Variants in ARIH2 observed in about 807,000 individuals in gnomAD.
ARIH2 encodes the protein E3 ubiquitin-protein ligase ARIH2.
ARIH2 carries 12 observed loss-of-function variants against 79.8 expected under a neutral mutation model. That is an observed-to-expected ratio of 0.15 (90% CI 0.10 to 0.24). ARIH2 has a LOEUF of 0.24. Among genes scored for constraint, ARIH2 ranks in the 10% least tolerant of loss-of-function variants. The pLI, the probability that ARIH2 is intolerant of heterozygous loss-of-function variation, is 1.00. For synonymous variants in ARIH2, 224 were observed against 213.9 expected (o/e 1.05, Z -0.41); for missense variants, 301 against 618.3 (o/e 0.49, Z 5.44).
chr3:48,961,633 CTTATA>C lies in ARIH2; in HGVS notation c.281_285del (p.Ile94SerfsTer2). 1 of 1,608,092 alleles carries C rather than the reference CTTATA, an allele frequency of 6.2e-7. No homozygotes were observed. Among genetic ancestry groups the C allele is most frequent in the Non-Finnish European group, 8.5e-7 (1 of 1,174,830 alleles). On this transcript the variant is annotated frameshift_variant, in exon 4 of 16. Transcript: ENST00000356401. LOFTEE classifies it high-confidence loss of function. ...CTAGGTATCTCATTCAGTTGCTAAA[CTTATA>C]TTAGTTAATTTCCACTGGCAAGTTT... is the stretch of plus-strand genomic sequence containing the variant.
At chr3:48,975,863 G>A (rs552376670) in intron 11 of ARIH2, among the ~76,000 whole-genome samples, 3 of 150,124 alleles carry the variant, frequency 2.0e-5, no homozygotes, top group African/African-American at 4.9e-5. Context: ...GTGCCCGACC[G>A]AGAATTTTGC....
rs747564744 is a variant in ARIH2, at chr3:48,918,967, C to T, written c.-193C>T. On this transcript the variant is annotated 5_prime_UTR_variant, in exon 1 of 16. Coordinates refer to ENST00000356401, the MANE Select transcript of ARIH2 (RefSeq NM_006321.4). ...CCGGCCTGACCCGGTCTGGCTTGTTCGGGCTCAGCGGCCGCGAGGCCGCAG... is the reference window on the plus strand; with the variant it reads ...CCGGCCTGACCCGGTCTGGCTTGTTTGGGCTCAGCGGCCGCGAGGCCGCAG... 4.0e-5 allele frequency: 60 copies of T among 1,483,890 alleles called. No homozygotes were observed. The East Asian group carries it at 5.0e-4, about 12-fold the overall frequency. The allele number at this position is 1,483,890 out of a possible 1,614,324, so 91.9% of individuals were successfully genotyped here.
intron 8 of ARIH2, among the ~76,000 whole-genome samples, chr3:48,972,755 C>T (rs1193657235): frequency 6.6e-6 from 1 of 152,096 alleles, no homozygotes; most frequent in Non-Finnish European, 1.5e-5. Context: ...TCTCAGTTGT[C>T]CACGTTGCAG....
intron 3 of ARIH2, among the ~76,000 whole-genome samples, chr3:48,940,811 ATAT>A (rs2088053409): frequency 2.0e-5 from 2 of 97,896 alleles, no homozygotes; most frequent in African/African-American, 6.6e-5. Context: ...AAAAAAAAAT[ATAT>A]ATATATATAT....
intron 2 of ARIH2, 24 bp from the exon 3 acceptor site, chr3:48,927,438 C>CT: frequency 8.0e-7 from 1 of 1,256,942 alleles, no homozygotes; most frequent in Admixed American, 2.5e-5. Flanking sequence ...AAAAGTAACA[C>CT]TTATTTTTTT....
At chr3:48,963,014 A>G (rs572901283) in intron 4 of ARIH2, among the ~76,000 whole-genome samples, 4 of 152,270 alleles carry the variant, frequency 2.6e-5, no homozygotes, top group African/African-American at 9.6e-5. Context: ...GATTACCAGC[A>G]CTTGCCACCA....
At chr3:48,981,016 CAAAAAAAAAAAAAAA>C (rs34533467) in intron 13 of ARIH2, among the ~76,000 whole-genome samples, 16 of 30,140 alleles carry the variant, frequency 5.3e-4, no homozygotes, top group African/African-American at 2.0e-3. Flanking sequence ...GCAAGACTGT[CAAAAAAAAAAAAAAA>C]AAAAAAAAAA....
chr3:48,959,992 C>T (rs9811724), intron 3 of ARIH2, among the ~76,000 whole-genome samples: 3,566 of 152,344 alleles, frequency 0.023, 159 homozygotes, highest in African/African-American at 0.08. Flanking sequence ...CAGGCACATA[C>T]TACCTTACAG....
Position 48,980,370 on chromosome 3 carries a change from A to G in ARIH2, c.1131A>G (p.Lys377=). Residue 377 remains lysine (K), a synonymous_variant, in exon 13 of 16, where the codon AAA becomes AAG. Coordinates refer to ENST00000356401, the MANE Select transcript of ARIH2 (RefSeq NM_006321.4). ...CCCTGTAGTGGGAAAACCACAATAA[A>G]AGCTTGCAGCTAGAGGCACAGACAT... is the stretch of plus-strand genomic sequence containing the variant. The part of the protein sequence containing the change: ...FYFERWENHN[K]SLQLEAQTYQ... The G allele has an allele frequency of 1.9e-6, 3 of 1,613,674 alleles. No individual in the cohort carries two copies. The highest frequency in any genetic ancestry group is 2.5e-6 in the Non-Finnish European group (3 of 1,179,948).
intron 6 of ARIH2, chr3:48,968,301 G>A (rs972056717): frequency 1.4e-4 from 43 of 312,910 alleles, no homozygotes; most frequent in South Asian, 7.3e-4. Context: ...TCCGCCTCCC[G>A]GGTTCACGCC....
At chr3:48,943,834 T>A (rs1415941220) in intron 3 of ARIH2, among the ~76,000 whole-genome samples, 5 of 152,152 alleles carry the variant, frequency 3.3e-5, no homozygotes, top group Admixed American at 3.3e-4. Context: ...TGGATGGTAC[T>A]ACCTAGCTGG....
At chr3:48,941,171 C>CA (rs11353326) in intron 3 of ARIH2, among the ~76,000 whole-genome samples, 1,741 of 132,000 alleles carry the variant, frequency 0.013, 21 homozygotes, top group African/African-American at 0.036. Context: ...GACTCCGTCT[C>CA]AAAAAAAAAA....
At chr3:48,959,908 CT>C (rs2107518224) in intron 3 of ARIH2, among the ~76,000 whole-genome samples, 1 of 152,326 alleles carries the variant, frequency 6.6e-6, no homozygotes, top group Non-Finnish European at 1.5e-5. Flanking sequence ...TCAGGAGTGA[CT>C]TGAGCGCTAG....
At position 48,918,874 on chromosome 3, in the gene ARIH2, A is replaced by T. The variant is rs747753591; in HGVS notation, c.-286A>T. 1 of 1,609,580 alleles carries T rather than the reference A, an allele frequency of 6.2e-7. No homozygotes were observed. Among genetic ancestry groups the T allele is most frequent in the Non-Finnish European group, 8.5e-7 (1 of 1,179,428 alleles). Reference sequence around the variant, plus strand: ...TGGGGACGACTCTTCTGGAGGAAGCAGCGCGGGCTTGACCGGCGTCGGCCC... The same window carrying T: ...TGGGGACGACTCTTCTGGAGGAAGCTGCGCGGGCTTGACCGGCGTCGGCCC... On this transcript the variant is annotated 5_prime_UTR_variant, in exon 1 of 16. Transcript: ENST00000356401.
chr3:48,974,128 T>C (rs1412360906), intron 9 of ARIH2, among the ~76,000 whole-genome samples: 1 of 151,394 alleles, frequency 6.6e-6, no homozygotes. Context: ...GAAAGGGAGG[T>C]GGTTAATAGC....
chr3:48,983,583 C>T lies in ARIH2; in HGVS notation c.*313C>T. Reference sequence around the variant, plus strand: ...TATTAGATCATTACAACTTATGTAACTTTCAAAGGTTGTACAATTATACAA... The same window carrying T: ...TATTAGATCATTACAACTTATGTAATTTTCAAAGGTTGTACAATTATACAA... On this transcript the variant is annotated 3_prime_UTR_variant, in exon 16 of 16. Transcript: ENST00000356401. The T allele has an allele frequency of 4.2e-6, 1 of 240,960 alleles. No homozygotes were observed. Among genetic ancestry groups the T allele is most frequent in the Non-Finnish European group, 7.7e-6 (1 of 130,632 alleles). 14.9% of individuals were successfully genotyped at this position (240,960 alleles called of 1,614,324 possible).
intron 3 of ARIH2, among the ~76,000 whole-genome samples, chr3:48,951,456 C>T (rs1433820028): frequency 1.3e-5 from 2 of 152,006 alleles, no homozygotes; most frequent in Non-Finnish European, 2.9e-5. Context: ...ATGCTAACCT[C>T]ATAAAATGAG....
chr3:48,963,451 T>C (rs981227667), intron 4 of ARIH2, among the ~76,000 whole-genome samples: 1 of 152,150 alleles, frequency 6.6e-6, no homozygotes, highest in Non-Finnish European at 1.5e-5. Flanking sequence ...AGAAATCACA[T>C]AGATGAGACA....
chr3:48,945,120 AC>A, intron 3 of ARIH2: 1 of 1,289,514 alleles, frequency 7.8e-7, no homozygotes. Flanking sequence ...TGAAACTACC[AC>A]CTGTATTTTT....
Sources: allele counts gnomAD v4.1 joint callset (sites outside exome capture counted in the v4.1 genomes callset), GRCh38; gene constraint gnomAD v4.1.1; transcripts MANE v1.5; gene names NCBI Gene and HGNC (gene_info 2026-07-23, HGNC 2026-07-21).